The following PRTG variants were observed in gnomAD, a reference collection of about 807,000 sequenced individuals.
PRTG encodes the protein immunoglobulin superfamily, DCC subclass, member 5.
PRTG carries 67 observed loss-of-function variants against 122.5 expected under a neutral mutation model. The observed-to-expected ratio is 0.55, with a 90% CI of 0.45 to 0.67. PRTG has a LOEUF of 0.67. Among genes scored for constraint, PRTG ranks in the 30% least tolerant of loss-of-function variants. PRTG has a pLI of 0.00. For synonymous variants in PRTG, 554 were observed against 501.1 expected, an observed-to-expected ratio of 1.11 and a Z score of -1.41; for missense variants, 1,435 against 1,415.4, an observed-to-expected ratio of 1.01 and a Z score of -0.22.
At chr15:55,673,743 A>T in intron 9 of PRTG, 67 bp from the exon 10 acceptor site, 1 of 1,215,212 alleles carries the variant, frequency 8.2e-7, no homozygotes, top group Non-Finnish European at 1.2e-6. Flanking sequence ...GCACACCAGT[A>T]ACTGAATTCT....
intron 19 of PRTG, 66 bp from the exon 20 acceptor site, chr15:55,620,332 T>A: frequency 6.3e-7 from 1 of 1,577,994 alleles, no homozygotes; most frequent in Admixed American, 1.8e-5. Flanking sequence ...CAAAAGCTCA[T>A]CAGGTCCCCA....
At chr15:55,676,702 T>C (rs2059504925) in intron 8 of PRTG, among the ~76,000 whole-genome samples, 2 of 152,186 alleles carry the variant, frequency 1.3e-5, no homozygotes, top group South Asian at 2.1e-4. Flanking sequence ...CATTCCTGAA[T>C]AGACCACTGA....
chr15:55,667,114 A>C, intron 11 of PRTG, among the ~76,000 whole-genome samples: 1 of 152,090 alleles, frequency 6.6e-6, no homozygotes, highest in East Asian at 1.9e-4. Context: ...ATTTTTCCAA[A>C]TGTAAAGAGG....
intron 11 of PRTG, among the ~76,000 whole-genome samples, chr15:55,652,265 T>C (rs1276689148): frequency 2.6e-5 from 4 of 152,158 alleles, no homozygotes; most frequent in Non-Finnish European, 5.9e-5. Flanking sequence ...AGGATATGCC[T>C]AATGTATATC....
intron 2 of PRTG, among the ~76,000 whole-genome samples, chr15:55,721,151 T>TA (rs1180442704): frequency 3.3e-5 from 5 of 152,200 alleles, no homozygotes. Context: ...ATCTAACAAG[T>TA]ACTGCCATTG....
chr15:55,647,228 G>A (rs564377778), intron 11 of PRTG, among the ~76,000 whole-genome samples: 5 of 152,154 alleles, frequency 3.3e-5, no homozygotes, highest in Admixed American at 6.5e-5. Context: ...TGCATGAGCC[G>A]AGATCACGCC....
intron 15 of PRTG, among the ~76,000 whole-genome samples, chr15:55,632,725 AT>A (rs1421716140): frequency 6.6e-6 from 1 of 152,146 alleles, no homozygotes; most frequent in Non-Finnish European, 1.5e-5. Flanking sequence ...TACTATCTCT[AT>A]CACTTTGTCT....
intron 2 of PRTG, chr15:55,738,774 A>G (rs185852963): frequency 6.0e-6 from 1 of 167,818 alleles, no homozygotes; most frequent in Non-Finnish European, 1.2e-5. Flanking sequence ...CAGGAAGAAG[A>G]GAGGGAGGGA....
intron 2 of PRTG, among the ~76,000 whole-genome samples, chr15:55,728,268 C>T (rs950498984): frequency 3.3e-5 from 5 of 152,188 alleles, no homozygotes; most frequent in Non-Finnish European, 7.3e-5. Context: ...TATTTCCTAA[C>T]ATATTCTATG....
At chr15:55,728,177 T>A (rs1487356597) in intron 2 of PRTG, among the ~76,000 whole-genome samples, 1 of 152,108 alleles carries the variant, frequency 6.6e-6, no homozygotes, top group Non-Finnish European at 1.5e-5. Flanking sequence ...CCACAAAAAA[T>A]GTAAAAAAGA....
In PRTG at chr15:55,628,743, T is replaced by C. The variant is rs1265490337; in HGVS notation, c.2806+79A>G. 6 of 1,124,864 alleles carry C rather than the reference T, an allele frequency of 5.3e-6. No homozygotes were observed. The East Asian group carries it at 9.6e-5, about 18-fold the overall frequency. The allele number at this position is 1,124,864 out of a possible 1,614,324, so 69.7% of individuals were successfully genotyped here. ...AGAGCCGGTTTAGGGATACAGCAAT[T>C]GTAGGAGCAGAAATAATGTGTAAGG... On this transcript the variant is annotated intron_variant, in intron 16 of 19. Transcript: ENST00000389286.
chr15:55,680,691 A>C, intron 4 of PRTG, 63 bp from the exon 5 acceptor site: 43 of 1,113,090 alleles, frequency 3.9e-5, no homozygotes, highest in Non-Finnish European at 5.2e-5. Flanking sequence ...AAGTGAAATT[A>C]GTGAGACATT....
chr15:55,628,319 T>TGATG (rs1449080691), intron 16 of PRTG, among the ~76,000 whole-genome samples: 1 of 151,026 alleles, frequency 6.6e-6, no homozygotes, highest in Admixed American at 6.6e-5. Context: ...TGGACAGCTG[T>TGATG]GATGAGTAGT....
At chr15:55,696,948 T>A (rs2059635253) in intron 2 of PRTG, among the ~76,000 whole-genome samples, 1 of 152,212 alleles carries the variant, frequency 6.6e-6, no homozygotes, top group Non-Finnish European at 1.5e-5. Context: ...CTCTAAGAAA[T>A]GTGCCCTACA....
chr15:55,664,567 A>C (rs76656344), intron 11 of PRTG, among the ~76,000 whole-genome samples: 1,827 of 152,312 alleles, frequency 0.012, 43 homozygotes, highest in African/African-American at 0.041. Flanking sequence ...TAAAGTTCTA[A>C]TCTAAATTTA....
In PRTG at chr15:55,619,997, C is replaced by T; in HGVS notation, c.*15G>A. 6.2e-7 allele frequency: 1 copy of T among 1,613,432 alleles called. No homozygotes were observed. The highest frequency in any genetic ancestry group is 8.5e-7 in the Non-Finnish European group (1 of 1,179,582). On this transcript the variant is annotated 3_prime_UTR_variant, in exon 20 of 20. Transcript: ENST00000389286. ...CAATGCGGAATCTCCACCTGAATCACTGCCAGTGAAAGAATCAGAGGTTGG... is the reference window on the plus strand; with the variant it reads ...CAATGCGGAATCTCCACCTGAATCATTGCCAGTGAAAGAATCAGAGGTTGG...
intron 18 of PRTG, among the ~76,000 whole-genome samples, chr15:55,621,538 A>C (rs2059166329): frequency 6.6e-6 from 1 of 152,080 alleles, no homozygotes; most frequent in African/African-American, 2.4e-5. Context: ...GTGCGCTTCT[A>C]GTTCCAGCTG....
Position 55,740,642 on chromosome 15 carries a change from T to C in PRTG, c.137A>G (p.Gln46Arg), listed in dbSNP as rs190129010. 1.5e-4 allele frequency: 242 copies of C among 1,613,960 alleles called. No individual in the cohort carries two copies. In the African/African-American group the frequency reaches 2.8e-3, roughly 18 times the overall value. Residue 46 changes from glutamine (Q) to arginine (R), a missense_variant, in exon 2 of 20, where the codon CAG (glutamine) becomes CGG (arginine). By Grantham distance (43) the Gln-to-Arg change is conservative. Coordinates refer to ENST00000389286, the MANE Select transcript of PRTG (RefSeq NM_173814.6). ...FSELSFVKEP[Q>R]DVTVTRKDPV... ...GTCCTTTCTTGTGACAGTTACATCC[T>C]GTGGTTCTTTTACAAAAGACAGTTC...
intron 17 of PRTG, among the ~76,000 whole-genome samples, chr15:55,625,468 T>A (rs1266052447): frequency 6.6e-6 from 1 of 151,854 alleles, no homozygotes; most frequent in Admixed American, 6.6e-5. Flanking sequence ...TTTTTTTTTT[T>A]AGACAGGATC....
Sources: gnomAD v4.1 joint callset for allele counts (sites outside exome capture counted in the v4.1 genomes callset) on GRCh38, gnomAD v4.1.1 for gene constraint, MANE v1.5 for transcripts, NCBI Gene and HGNC (gene_info 2026-07-23, HGNC 2026-07-21) for gene names.